Variants in PPARGC1A observed in about 807,000 individuals in gnomAD.
PPARGC1A encodes the protein peroxisome proliferator-activated receptor gamma coactivator 1-alpha.
PPARGC1A carries 25 observed loss-of-function variants against 88.7 expected under a neutral mutation model. The ratio of observed to expected loss-of-function variants is 0.28; its 90% CI spans 0.21 to 0.39. The LOEUF (loss-of-function observed/expected upper bound fraction) is 0.39, where lower values mean the gene tolerates loss of function less well. Among genes scored for constraint, PPARGC1A ranks in the 10% least tolerant of loss-of-function variants. PPARGC1A has a pLI of 1.00. For missense variants in PPARGC1A, 880 were observed against 968.7 expected (o/e 0.91, Z 1.22); for synonymous variants, 363 against 355.6 (o/e 1.02, Z -0.24).
chr4:24,319,429 GA>G, the PPARGC1A span, among the ~76,000 whole-genome samples: 1 of 152,198 alleles, frequency 6.6e-6, no homozygotes, highest in Admixed American at 6.5e-5. Context: ...TATGAAAACA[GA>G]GAAGTGTCAA....
the PPARGC1A span, among the ~76,000 whole-genome samples, chr4:23,988,986 T>C: frequency 6.8e-6 from 1 of 148,118 alleles, no homozygotes; most frequent in Admixed American, 6.8e-5. Context: ...ACATATAGTA[T>C]ACATACACTA....
At chr4:24,356,655 T>G in the PPARGC1A span, among the ~76,000 whole-genome samples, 2 of 152,214 alleles carry the variant, frequency 1.3e-5, no homozygotes, top group African/African-American at 4.8e-5. Flanking sequence ...GGCCCTGTCC[T>G]TTGGAAGGCA....
At chr4:24,072,888 A>AT in the PPARGC1A span, among the ~76,000 whole-genome samples, 4,117 of 152,202 alleles carry the variant, frequency 0.027, 160 homozygotes, top group African/African-American at 0.077. Flanking sequence ...AGTTTTATAG[A>AT]TTTTTTCTCT....
chr4:23,881,978 A>G (rs931011861), intron 2 of PPARGC1A: 3 of 152,210 alleles, frequency 2.0e-5, no homozygotes, highest in Admixed American at 1.3e-4. Context: ...GGGAAGACCC[A>G]ATTTTAGAAT....
At chr4:23,827,308 G>A (rs1434092192) in intron 5 of PPARGC1A, among the ~76,000 whole-genome samples, 3 of 151,706 alleles carry the variant, frequency 2.0e-5, no homozygotes, top group Admixed American at 1.3e-4. Flanking sequence ...GAACACTGGG[G>A]AAAAAAAGCG....
chr4:24,454,572 CAA>C, the PPARGC1A span, among the ~76,000 whole-genome samples: 81 of 151,154 alleles, frequency 5.4e-4, no homozygotes, highest in African/African-American at 1.6e-3. Flanking sequence ...CTTGTTTCTA[CAA>C]AAAAAATTTT....
At chr4:24,099,484 A>G in the PPARGC1A span, among the ~76,000 whole-genome samples, 18 of 152,276 alleles carry the variant, frequency 1.2e-4, 1 homozygote, top group East Asian at 2.3e-3. Flanking sequence ...CTCTGCAGCC[A>G]GGCAAGGAGC....
At chr4:24,415,347 C>T in the PPARGC1A span, among the ~76,000 whole-genome samples, 1 of 152,158 alleles carries the variant, frequency 6.6e-6, no homozygotes, top group East Asian at 1.9e-4. Flanking sequence ...TTTCAAGCCA[C>T]CATATCAAAT....
At chr4:24,213,165 C>CTTT in the PPARGC1A span, among the ~76,000 whole-genome samples, 5 of 100,740 alleles carry the variant, frequency 5.0e-5, no homozygotes, top group African/African-American at 1.9e-4. Flanking sequence ...GATTATTTTC[C>CTTT]TTTTTTTTTT....
intron 2 of PPARGC1A, among the ~76,000 whole-genome samples, chr4:23,868,037 G>T (rs1341371092): frequency 6.6e-6 from 1 of 152,138 alleles, no homozygotes; most frequent in Non-Finnish European, 1.5e-5. Flanking sequence ...GGAACAGCGG[G>T]TTCCTTGAAC....
At chr4:24,350,606 G>A in the PPARGC1A span, among the ~76,000 whole-genome samples, 18 of 152,310 alleles carry the variant, frequency 1.2e-4, no homozygotes, top group South Asian at 3.7e-3. Context: ...AATGTATTTA[G>A]TAGTCATATC....
the PPARGC1A span, among the ~76,000 whole-genome samples, chr4:24,050,892 TAAAG>T: frequency 2.4e-4 from 36 of 152,150 alleles, no homozygotes; most frequent in African/African-American, 7.9e-4. Flanking sequence ...TCCCAAGGCC[TAAAG>T]AAAGGTCTGG....
At chr4:24,257,532 A>G in the PPARGC1A span, among the ~76,000 whole-genome samples, 1 of 152,126 alleles carries the variant, frequency 6.6e-6, no homozygotes, top group Non-Finnish European at 1.5e-5. Context: ...CTACCAAAGC[A>G]GTTGCTTTGG....
At chr4:24,061,158 A>C in the PPARGC1A span, among the ~76,000 whole-genome samples, 19 of 152,042 alleles carry the variant, frequency 1.2e-4, no homozygotes, top group Non-Finnish European at 2.5e-4. Context: ...TAGAATCCAC[A>C]CTCTTAACCA....
upstream of PPARGC1A, among the ~76,000 whole-genome samples, chr4:23,906,625 A>G (rs952674247): frequency 2.1e-4 from 32 of 151,682 alleles, no homozygotes; most frequent in Non-Finnish European, 3.5e-4. Flanking sequence ...AAAAAAAAAA[A>G]AAGAAGATAT....
chr4:23,808,633 G>T (rs988792068), intron 10 of PPARGC1A, among the ~76,000 whole-genome samples: 2 of 152,200 alleles, frequency 1.3e-5, no homozygotes, highest in Non-Finnish European at 2.9e-5. Flanking sequence ...ACGAGTCTGA[G>T]AAAGGCAGAA....
At chr4:24,101,979 G>A in the PPARGC1A span, among the ~76,000 whole-genome samples, 1 of 152,150 alleles carries the variant, frequency 6.6e-6, no homozygotes, top group Admixed American at 6.5e-5. Flanking sequence ...TTGTGAGAGG[G>A]AAAGACAGAT....
chr4:23,878,652 T>C (rs897188460), intron 2 of PPARGC1A, among the ~76,000 whole-genome samples: 53 of 152,078 alleles, frequency 3.5e-4, no homozygotes, highest in Admixed American at 2.4e-3. Flanking sequence ...TTAAATGAGG[T>C]GTGTAGATGA....
At chr4:23,972,177 T>G in the PPARGC1A span, among the ~76,000 whole-genome samples, 6 of 152,318 alleles carry the variant, frequency 3.9e-5, no homozygotes, top group African/African-American at 1.4e-4. Context: ...TCAGAGGTGG[T>G]GCTTAGGAGT....
Sources: allele counts gnomAD v4.1 joint callset (sites outside exome capture counted in the v4.1 genomes callset), GRCh38; gene constraint gnomAD v4.1.1; transcripts MANE v1.5; gene names NCBI Gene and HGNC (gene_info 2026-07-23, HGNC 2026-07-21).